The following GNB1L variants were observed in gnomAD, a reference collection of about 807,000 sequenced individuals.
The protein encoded by GNB1L is guanine nucleotide-binding protein subunit beta-like protein 1.
In GNB1L, 20 loss-of-function variants were observed where a neutral mutation model predicts 29.1. The observed-to-expected ratio is 0.69, with a 90% CI of 0.48 to 1.00. GNB1L has a LOEUF of 1.00. Ranked by LOEUF, GNB1L falls within the 50% of genes least tolerant of loss-of-function variation. GNB1L has a pLI of 0.00. For synonymous variants in GNB1L, 193 were observed against 206.5 expected, an observed-to-expected ratio of 0.93 and a Z score of 0.56; for missense variants, 421 against 464.9, an observed-to-expected ratio of 0.91 and a Z score of 0.87.
chr22:19,822,625 T>C (rs1302279392), intron 2 of GNB1L, among the ~76,000 whole-genome samples: 1 of 152,032 alleles, frequency 6.6e-6, no homozygotes, highest in African/African-American at 2.4e-5. Context: ...TCTGGGACAG[T>C]GGGGCAGGCC....
At chr22:19,851,055 G>T in intron 2 of GNB1L, 1 of 1,457,576 alleles carries the variant, frequency 6.9e-7, no homozygotes, top group South Asian at 1.5e-5. Context: ...CCAGCTATGG[G>T]GTCTGAAGTC....
rs1354750320 is a variant in GNB1L at position 19,833,533 on chromosome 22, C to T, written c.-20-12158G>A. Among the ~76,000 whole-genome samples, 3 of 152,002 alleles carry T rather than the reference C, an allele frequency of 2.0e-5. No individual in the cohort carries two copies. The South Asian group carries it at 6.2e-4, about 32-fold the overall frequency. ...TGAGCTATGATCGTGCCACCGTACTCCAGCCTAGGCAACAGAGCAAGACCC... is the reference window on the plus strand; with the variant it reads ...TGAGCTATGATCGTGCCACCGTACTTCAGCCTAGGCAACAGAGCAAGACCC... On this transcript the variant is annotated intron_variant, in intron 2 of 7. Coordinates refer to ENST00000329517, the MANE Select transcript of GNB1L (RefSeq NM_053004.3).
intron 2 of GNB1L, chr22:19,852,043 G>A (rs200786836): frequency 7.4e-6 from 12 of 1,614,196 alleles, no homozygotes; most frequent in East Asian, 2.2e-5. Context: ...CAGGTTTACC[G>A]CCACAAGTGC....
At chr22:19,851,506 A>G (rs1938097649) in intron 2 of GNB1L, 6 of 1,614,132 alleles carry the variant, frequency 3.7e-6, no homozygotes, top group Non-Finnish European at 5.1e-6. Flanking sequence ...CGAACAGAGC[A>G]CTTCTAGATA....
intron 2 of GNB1L, among the ~76,000 whole-genome samples, chr22:19,836,640 A>C (rs1937768785): frequency 6.6e-6 from 1 of 152,208 alleles, no homozygotes; most frequent in Admixed American, 6.5e-5. Flanking sequence ...CCTCAAACAA[A>C]ATAATATCTT....
At chr22:19,790,457 C>A (rs1937241314) in intron 7 of GNB1L, among the ~76,000 whole-genome samples, 1 of 152,100 alleles carries the variant, frequency 6.6e-6, no homozygotes, top group Non-Finnish European at 1.5e-5. Flanking sequence ...TCTCCTCTCC[C>A]ACCTCACTGT....
chr22:19,828,797 C>G (rs1444361232), intron 2 of GNB1L, among the ~76,000 whole-genome samples: 1 of 151,340 alleles, frequency 6.6e-6, no homozygotes, highest in Non-Finnish European at 1.5e-5. Flanking sequence ...AGAAAGAAGC[C>G]TACTAGTGAT....
chr22:19,805,725 T>C (rs1183644802), intron 6 of GNB1L, among the ~76,000 whole-genome samples: 1 of 151,488 alleles, frequency 6.6e-6, no homozygotes, highest in African/African-American at 2.4e-5. Context: ...GAGCTTGCAG[T>C]GAGCAGAGAT....
intron 4 of GNB1L, among the ~76,000 whole-genome samples, chr22:19,819,859 G>A (rs1317265638): frequency 2.0e-5 from 3 of 152,050 alleles, no homozygotes; most frequent in East Asian, 1.9e-4. Flanking sequence ...TCACTACCAC[G>A]CCCACTTCAG....
Position 19,784,159 on chromosome 22 carries a change from C to A in GNB1L, c.*4550G>T, listed in dbSNP as rs978131097. 1.3e-5 allele frequency: 2 copies of A among 152,232 alleles called. No individual in the cohort carries two copies. Among genetic ancestry groups the A allele is most frequent in the African/African-American group, 4.8e-5 (2 of 41,452 alleles). The allele number at this position is 152,232 out of a possible 1,614,324, so 9.4% of individuals were successfully genotyped here. On this transcript the variant is annotated 3_prime_UTR_variant, in exon 8 of 8. Coordinates refer to ENST00000329517, the MANE Select transcript of GNB1L (RefSeq NM_053004.3). ...ATTGAGTATAAGCATTTCTAAAGAACCCCCGGAGGGTTGTTTTTCTTTGTG... is the reference window on the plus strand; with the variant it reads ...ATTGAGTATAAGCATTTCTAAAGAAACCCCGGAGGGTTGTTTTTCTTTGTG...
At chr22:19,797,997 G>T (rs1052253202) in intron 7 of GNB1L, among the ~76,000 whole-genome samples, 2 of 152,242 alleles carry the variant, frequency 1.3e-5, no homozygotes, top group East Asian at 3.8e-4. Flanking sequence ...GCAGCTGAAT[G>T]TGCTGCAGCA....
rs1937378003 is a variant in GNB1L at position 19,802,001 on chromosome 22, C to A, written c.732G>T (p.Gln244His). 1 of 1,580,582 alleles carries A rather than the reference C, an allele frequency of 6.3e-7. No homozygotes were observed. The highest frequency in any genetic ancestry group is 8.6e-7 in the Non-Finnish European group (1 of 1,164,000). The change falls in exon 7 of 8, where the codon CAG (glutamine) becomes CAT (histidine). Residue 244 changes from glutamine (Q) to histidine (H), a missense_variant and splice_region_variant. Transcript: ENST00000329517. ...VWSLDWQQALQVRGTHELTNP... is the reference protein window; with the variant it reads ...VWSLDWQQALHVRGTHELTNP... Reference sequence around the variant, plus strand: ...GAGACCCGGGGCCTGGCGCACTGACCTGCAGGGCCTGCTGCCAGTCCAGGC... The same window carrying A: ...GAGACCCGGGGCCTGGCGCACTGACATGCAGGGCCTGCTGCCAGTCCAGGC...
At position 19,806,729 on chromosome 22, in the gene GNB1L, G is replaced by A. The variant is rs754385231; in HGVS notation, c.446C>T (p.Thr149Met). The A allele has an allele frequency of 8.7e-6, 14 of 1,613,138 alleles. No individual in the cohort carries two copies. Among genetic ancestry groups the A allele is most frequent in the East Asian group, 2.2e-5 (1 of 44,900 alleles). The change falls in exon 6 of 8, where the codon ACG (threonine) becomes ATG (methionine). Residue 149 changes from threonine to methionine, a missense_variant. Thr to Met is a moderately conservative substitution (Grantham distance 81). Transcript: ENST00000329517. ...EVQILEMPSK[T>M]SVCALKPKAD... ...CTTCGGCTTCAGGGCGCACACTGAC[G>A]TCTTGGAGGGCATCTCCAGAATCTG...
chr22:19,794,359 C>G (rs1937283372), intron 7 of GNB1L, among the ~76,000 whole-genome samples: 1 of 152,132 alleles, frequency 6.6e-6, no homozygotes, highest in Non-Finnish European at 1.5e-5. Flanking sequence ...GGGATTGCAC[C>G]AGCACAAGGT....
intron 2 of GNB1L, among the ~76,000 whole-genome samples, chr22:19,825,382 G>A (rs958542393): frequency 7.2e-5 from 11 of 152,224 alleles, no homozygotes; most frequent in African/African-American, 2.7e-4. Context: ...CACTTTGGGA[G>A]GCCGAGGTGG....
chr22:19,843,324 C>T (rs78402873), intron 2 of GNB1L, among the ~76,000 whole-genome samples: 3,310 of 152,378 alleles, frequency 0.022, 120 homozygotes, highest in African/African-American at 0.073. Flanking sequence ...TGTCAGTATC[C>T]GCCTTTGGAA....
Position 19,783,488 on chromosome 22 carries a change from T to C in GNB1L, c.*5221A>G. 3.8e-6 allele frequency: 1 copy of C among 260,356 alleles called. No homozygotes were observed. Among genetic ancestry groups the C allele is most frequent in the Non-Finnish European group, 7.6e-6 (1 of 131,794 alleles). The allele number at this position is 260,356 out of a possible 1,614,324, so 16.1% of individuals were successfully genotyped here. The stretch of plus-strand genomic sequence containing the variant: ...TCACTTGAGCCTATTAGTTGGAGGC[T>C]GCAGTAAGCTATGATCATGCCACTG... On this transcript the variant is annotated 3_prime_UTR_variant, in exon 8 of 8. Coordinates refer to ENST00000329517, the MANE Select transcript of GNB1L (RefSeq NM_053004.3).
intron 7 of GNB1L, chr22:19,792,352 A>C: frequency 7.8e-7 from 1 of 1,283,250 alleles, no homozygotes; most frequent in South Asian, 1.2e-5. Context: ...GCTGTCATGA[A>C]GAAGCAGGAG....
chr22:19,837,210 C>A (rs1303695090), intron 2 of GNB1L, among the ~76,000 whole-genome samples: 1 of 151,704 alleles, frequency 6.6e-6, no homozygotes, highest in African/African-American at 2.4e-5. Context: ...TCGTGATCCA[C>A]CCGCCTCGGC....
Sources: allele counts gnomAD v4.1 joint callset (sites outside exome capture counted in the v4.1 genomes callset), GRCh38; gene constraint gnomAD v4.1.1; transcripts MANE v1.5; gene names NCBI Gene and HGNC (gene_info 2026-07-23, HGNC 2026-07-21).